SGO2: variants seen among roughly 807,000 people sequenced by gnomAD.
SGO2 encodes shugoshin 2.
SGO2 carries 68 observed loss-of-function variants against 99.5 expected under a neutral mutation model. That is an observed-to-expected ratio of 0.68 (90% confidence interval 0.56 to 0.84). The LOEUF (loss-of-function observed/expected upper bound fraction) is 0.84. Ranked by LOEUF, SGO2 falls within the 40% of genes least tolerant of loss-of-function variation. The probability of loss-of-function intolerance (pLI) is 0.00; values close to 1 mark genes in which losing one functional copy is unlikely to be tolerated. For synonymous variants in SGO2, 457 were observed against 487.1 expected, an observed-to-expected ratio of 0.94 and a Z score of 0.81; for missense variants, 1,350 against 1,436.7, an observed-to-expected ratio of 0.94 and a Z score of 0.97.
chr2:200,544,956 A>T (rs772227900), intron 5 of SGO2, among the ~76,000 whole-genome samples: 5 of 151,850 alleles, frequency 3.3e-5, no homozygotes, highest in Non-Finnish European at 7.4e-5. Context: ...ATCTTTTCAT[A>T]TGTTTACTTT....
intron 1 of SGO2, among the ~76,000 whole-genome samples, chr2:200,528,279 A>G (rs556767646): frequency 7.9e-5 from 12 of 152,312 alleles, no homozygotes; most frequent in African/African-American, 2.9e-4. Flanking sequence ...TTAAGAATAG[A>G]TAGTCGGGGA....
chr2:200,529,973 C>T (rs76368190), intron 1 of SGO2, among the ~76,000 whole-genome samples: 1,686 of 152,262 alleles, frequency 0.011, 36 homozygotes, highest in African/African-American at 0.038. Context: ...GTATAAAGGA[C>T]CTGAGGCTGA....
rs1018208997 is a variant in SGO2, at chr2:200,539,390, T to C, written c.388-3189T>C. ...TTAATTTTATGTATTTGGGCTTTTA[T>C]TTGTCTTTTTTCTCCCCACTATCTT... is the stretch of plus-strand genomic sequence containing the variant. On this transcript the variant is annotated intron_variant, in intron 4 of 8. Transcript: ENST00000357799. Among the ~76,000 whole-genome samples the C allele has an allele frequency of 9.2e-5, 14 of 152,094 alleles. 1 individual carries two copies. The highest frequency in any genetic ancestry group is 3.4e-4 in the African/African-American group (14 of 41,444).
At chr2:200,530,743 T>G (rs949344391) in intron 1 of SGO2, among the ~76,000 whole-genome samples, 43 of 152,186 alleles carry the variant, frequency 2.8e-4, no homozygotes, top group African/African-American at 1.0e-3. Flanking sequence ...AAGGAGAAAT[T>G]AACCACATTA....
At position 200,573,001 on chromosome 2, in the gene SGO2, G is replaced by A. The variant is rs769037128; in HGVS notation, c.2655G>A (p.Glu885=). The A allele has an allele frequency of 2.1e-5, 33 of 1,578,248 alleles. No homozygotes were observed. The African/African-American group carries it at 3.7e-4, about 18-fold the overall frequency. Residue 885 remains glutamate (E), a synonymous_variant, in exon 7 of 9, where the codon GAG becomes GAA. Transcript: ENST00000357799. ...ATTATGACACCCAGAATATATTGGA[G>A]TTGAAAAAGTATGTTACTGATAGGA... The part of the protein sequence containing the change: ...LCDYDTQNIL[E]LKKYVTDRKS...
chr2:200,528,162 G>A (rs2031196095), intron 1 of SGO2, among the ~76,000 whole-genome samples: 1 of 152,184 alleles, frequency 6.6e-6, no homozygotes, highest in Non-Finnish European at 1.5e-5. Flanking sequence ...GTACTTTCTA[G>A]GCCATTTTAA....
At chr2:200,541,124 C>T (rs1264445829) in intron 4 of SGO2, among the ~76,000 whole-genome samples, 2 of 152,202 alleles carry the variant, frequency 1.3e-5, no homozygotes, top group African/African-American at 4.8e-5. Context: ...GAGGGCAGAG[C>T]CCTCATGACC....
Position 200,572,043 on chromosome 2 carries a change from A to C in SGO2, c.1697A>C (p.Asn566Thr). ...ATTTATGAAAACCTAGACGTCACAAATGAATTTCACACAGCCAATCTTTCC... is the reference window on the plus strand; with the variant it reads ...ATTTATGAAAACCTAGACGTCACAACTGAATTTCACACAGCCAATCTTTCC... ...VTIYENLDVT[N>T]EFHTANLSTK... is the part of the protein sequence containing the mutation. The change falls in exon 7 of 9, where the codon AAT becomes ACT. Residue 566 changes from asparagine (N) to threonine (T), a missense_variant. Transcript: ENST00000357799. 1 of 1,613,476 alleles carries C rather than the reference A, an allele frequency of 6.2e-7. No individual in the cohort carries two copies. The highest frequency in any genetic ancestry group is 8.5e-7 in the Non-Finnish European group (1 of 1,179,612).
At chr2:200,529,397 C>T (rs1179773178) in intron 1 of SGO2, among the ~76,000 whole-genome samples, 1 of 152,194 alleles carries the variant, frequency 6.6e-6, no homozygotes, top group East Asian at 1.9e-4. Flanking sequence ...CATAAAAATC[C>T]ATGACCTCCT....
chr2:200,564,638 T>A (rs1268259902), intron 5 of SGO2, among the ~76,000 whole-genome samples: 2 of 152,230 alleles, frequency 1.3e-5, no homozygotes, highest in Non-Finnish European at 2.9e-5. Flanking sequence ...GTCTCATGGA[T>A]CTGTCTAATG....
rs761701681 is a variant in SGO2 at position 200,572,865 on chromosome 2, ACTT to A, written c.2525_2527del (p.Phe842del). ...GGTGTACATGACCTAGAAAAAGATA[ACTT>A]CTTCTCTCTAACCCCAAAGGATAAA... On this transcript the variant is annotated inframe_deletion, in exon 7 of 9. Coordinates refer to ENST00000357799, the MANE Select transcript of SGO2 (RefSeq NM_152524.6). 65 of 1,594,870 alleles carry A rather than the reference ACTT, an allele frequency of 4.1e-5. No homozygotes were observed. Among genetic ancestry groups the A allele is most frequent in the African/African-American group, 1.6e-4 (12 of 73,600 alleles).
chr2:200,532,277 T>TTG lies in SGO2; in HGVS notation c.-2-696_-2-695insGT, dbSNP rs1553555985. ...TGCAGGTGACAGAGTTTTTTGTTTT[T>TTG]TTTTTTGTTTTTTTTTTTTTTTCAG... is the stretch of plus-strand genomic sequence containing the variant. On this transcript the variant is annotated intron_variant, in intron 1 of 8. Transcript: ENST00000357799. The TTG allele has an allele frequency of 3.8e-3, 1,492 of 388,570 alleles. 42 individuals are homozygous for TTG. Among genetic ancestry groups the TTG allele is most frequent in the African/African-American group, 0.034 (1,390 of 40,656 alleles). 24.1% of individuals were successfully genotyped at this position (388,570 alleles called of 1,614,324 possible). A position where few individuals can be genotyped will look rare whatever the true frequency, so the allele number is the denominator to read the frequency against.
intron 1 of SGO2, among the ~76,000 whole-genome samples, chr2:200,530,684 AACAT>A (rs1337227174): frequency 6.6e-6 from 1 of 152,212 alleles, no homozygotes; most frequent in African/African-American, 2.4e-5. Flanking sequence ...GTAGGAAAAA[AACAT>A]AGGCGTTTGA....
intron 1 of SGO2, among the ~76,000 whole-genome samples, chr2:200,527,777 T>C (rs2031172962): frequency 1.3e-5 from 2 of 152,238 alleles, no homozygotes; most frequent in Non-Finnish European, 2.9e-5. Context: ...TATGCCCTCA[T>C]TGAACTTACA....
intron 5 of SGO2, chr2:200,542,915 A>G: frequency 3.7e-6 from 1 of 267,418 alleles, no homozygotes; most frequent in Non-Finnish European, 7.2e-6. Flanking sequence ...CTTTTCATCT[A>G]GTTCACTCCT....
chr2:200,535,950 A>G (rs536446114), intron 3 of SGO2, 115 bp from the exon 4 acceptor site: 5 of 556,544 alleles, frequency 9.0e-6, no homozygotes, highest in Middle Eastern at 5.2e-4. Context: ...TTAGCTCAAT[A>G]TGATATCAAC....
At chr2:200,545,051 G>A (rs2032148503) in intron 5 of SGO2, among the ~76,000 whole-genome samples, 1 of 152,112 alleles carries the variant, frequency 6.6e-6, no homozygotes, top group African/African-American at 2.4e-5. Flanking sequence ...TTGTCACCCA[G>A]CCTGGAGTGT....
At position 200,571,910 on chromosome 2, in the gene SGO2, G is replaced by T; in HGVS notation, c.1564G>T (p.Gly522Cys). 6.2e-7 allele frequency: 1 copy of T among 1,613,242 alleles called. No individual in the cohort carries two copies. The highest frequency in any genetic ancestry group is 1.1e-5 in the South Asian group (1 of 90,940). Residue 522 changes from glycine (G) to cysteine (C), a missense_variant, in exon 7 of 9, where the codon GGT becomes TGT. Physicochemically the swap from Gly to Cys is radical, Grantham distance 159 (BLOSUM62 -3). Coordinates refer to ENST00000357799, the MANE Select transcript of SGO2 (RefSeq NM_152524.6). ...KFHQESKFDK[G>C]QNSLTCNKSK... Reference sequence around the variant, plus strand: ...TCACCAGGAGAGTAAATTTGATAAGGGTCAGAATTCCCTAACTTGTAATAA... The same window carrying T: ...TCACCAGGAGAGTAAATTTGATAAGTGTCAGAATTCCCTAACTTGTAATAA...
At chr2:200,560,280 G>C (rs572805564) in intron 5 of SGO2, among the ~76,000 whole-genome samples, 1 of 152,158 alleles carries the variant, frequency 6.6e-6, no homozygotes, top group South Asian at 2.1e-4. Flanking sequence ...CTGCTTTGAA[G>C]TCTACTTTGT....
Sources: allele counts gnomAD v4.1 joint callset (sites outside exome capture counted in the v4.1 genomes callset), GRCh38; gene constraint gnomAD v4.1.1; transcripts MANE v1.5; gene names NCBI Gene and HGNC (gene_info 2026-07-23, HGNC 2026-07-21).